The following GRHL3 variants were observed in gnomAD, a reference collection of about 807,000 sequenced individuals.
GRHL3 encodes the protein grainyhead-like protein 3 homolog.
GRHL3 carries 20 observed loss-of-function variants against 70.3 expected under a neutral mutation model. The observed-to-expected ratio is 0.28, with a 90% CI of 0.20 to 0.41. GRHL3 has a LOEUF of 0.41. Among genes scored for constraint, GRHL3 ranks in the 10% least tolerant of loss-of-function variants. The pLI is 1.00. For missense variants in GRHL3, 637 were observed against 762.3 expected, an observed-to-expected ratio of 0.84 and a Z score of 1.94; for synonymous variants, 299 against 299.9, an observed-to-expected ratio of 1.00 and a Z score of 0.03.
chr1:24,352,650 A>G (rs1356478399), intron 15 of GRHL3, among the ~76,000 whole-genome samples: 1 of 152,144 alleles, frequency 6.6e-6, no homozygotes, highest in Admixed American at 6.5e-5. Flanking sequence ...GCTGGTACAT[A>G]TCAGTTACTT....
chr1:24,337,961 C>G, intron 6 of GRHL3, 31 bp from the exon 7 acceptor site: 1 of 1,562,948 alleles, frequency 6.4e-7, no homozygotes, highest in Non-Finnish European at 8.7e-7. Context: ...AGGAAGAGGC[C>G]GGGAGTGACT....
Position 24,331,446 on chromosome 1 carries a change from T to C in GRHL3, c.38T>C (p.Leu13Pro). The change falls in exon 2 of 16, where the codon CTA becomes CCA. Residue 13 changes from leucine to proline, a missense_variant. Leu to Pro is a moderately conservative substitution (Grantham distance 98). Coordinates refer to ENST00000361548, the MANE Select transcript of GRHL3 (RefSeq NM_198173.3). ...TTCAGTTTCAGGTCTGTGCGGCTGC[T>C]AAAGAACGACCCAGTCAACTTGCAG... is the stretch of plus-strand genomic sequence containing the variant. ...NELDFRSVRLLKNDPVNLQKF... is the reference protein window; with the variant it reads ...NELDFRSVRLPKNDPVNLQKF... 6.2e-7 allele frequency: 1 copy of C among 1,613,096 alleles called. No individual in the cohort carries two copies. Among genetic ancestry groups the C allele is most frequent in the Non-Finnish European group, 8.5e-7 (1 of 1,179,504 alleles).
rs1641071440 is a variant in GRHL3, at chr1:24,360,948, G to T, written c.1695-3237G>T. The T allele has an allele frequency of 1.9e-6, 3 of 1,614,012 alleles. No individual in the cohort carries two copies. The Admixed American group carries it at 5.0e-5, about 27-fold the overall frequency. On this transcript the variant is annotated intron_variant, in intron 15 of 15. Transcript: ENST00000350501. ...AGATGAAATGCTTGCGGGGGCCTAAGTAGTCCACGATCTCATACTGACCAG... is the reference window on the plus strand; with the variant it reads ...AGATGAAATGCTTGCGGGGGCCTAATTAGTCCACGATCTCATACTGACCAG...
chr1:24,360,319 T>C (rs1466186751), intron 15 of GRHL3, among the ~76,000 whole-genome samples: 2 of 152,128 alleles, frequency 1.3e-5, no homozygotes, highest in East Asian at 1.9e-4. Flanking sequence ...TGTGGTGGCA[T>C]GTACCTGTAA....
At chr1:24,348,901 A>T (rs1640395701) in intron 14 of GRHL3, among the ~76,000 whole-genome samples, 1 of 152,162 alleles carries the variant, frequency 6.6e-6, no homozygotes. Flanking sequence ...TCCACCTGAA[A>T]CCCAGGACCT....
At chr1:24,332,943 G>A (rs1056091474) in intron 2 of GRHL3, among the ~76,000 whole-genome samples, 4 of 152,172 alleles carry the variant, frequency 2.6e-5, no homozygotes, top group East Asian at 1.9e-4. Context: ...AGCCCAGGTC[G>A]ATGGAAGAGG....
intron 7 of GRHL3, among the ~76,000 whole-genome samples, chr1:24,339,438 C>T (rs1200020016): frequency 6.6e-6 from 1 of 152,164 alleles, no homozygotes; most frequent in Admixed American, 6.5e-5. Context: ...TGCCACCATG[C>T]CCAGCTAATT....
At position 24,342,231 on chromosome 1, in the gene GRHL3, G is replaced by C; in HGVS notation, c.1164G>C (p.Leu388=). Residue 388 remains leucine, a synonymous_variant, in exon 9 of 16, where the codon CTG becomes CTC. Transcript: ENST00000361548. This position sits in a 1 kb window ranked among gnomAD's most constrained non-coding sequence, Gnocchi z 4.8. ...TYDCGLGTER[L]VHRAVCQIKI... ...ACTGTGGCTTGGGCACTGAGCGCCT[G>C]GTACACCGTGCTGTCTGCCAGATCA... 1.2e-6 allele frequency: 2 copies of C among 1,612,928 alleles called. No homozygotes were observed. Among genetic ancestry groups the C allele is most frequent in the Non-Finnish European group, 1.7e-6 (2 of 1,179,370 alleles).
At chr1:24,352,542 T>TGCAGGTGGGA (rs1399543953) in intron 15 of GRHL3, among the ~76,000 whole-genome samples, 1 of 152,164 alleles carries the variant, frequency 6.6e-6, no homozygotes, top group Admixed American at 6.5e-5. Context: ...AGCCCTCTTG[T>TGCAGGTGGGA]GCAGGTGTGA....
rs1263624259 is a variant in GRHL3 at position 24,355,106 on chromosome 1, TTTC to T, written c.*621_*623del. On this transcript the variant is annotated 3_prime_UTR_variant, in exon 16 of 16. Transcript: ENST00000361548. ...GCCTTGCCACTCACTGTTGTATACA[TTTC>T]TTATTTACGATTTTCATTTGTTATA... 1.3e-5 allele frequency: 2 copies of T among 152,552 alleles called. No individual in the cohort carries two copies. 9.4% of individuals were successfully genotyped at this position (152,552 alleles called of 1,614,324 possible).
chr1:24,337,470 A>G, intron 5 of GRHL3, 166 bp from the exon 6 acceptor site: 4 of 694,930 alleles, frequency 5.8e-6, no homozygotes, highest in Non-Finnish European at 9.5e-6. Context: ...CAAAGCCATT[A>G]AATAGAACCC....
At chr1:24,336,987 C>G (rs1639843380) in intron 4 of GRHL3, 91 bp from the exon 5 acceptor site, 6 of 1,335,794 alleles carry the variant, frequency 4.5e-6, no homozygotes, top group Admixed American at 1.8e-5. Context: ...GTACACTGTA[C>G]AACCTGCATA....
chr1:24,338,152 C>A, intron 7 of GRHL3, 49 bp downstream of exon 7: 1 of 1,263,858 alleles, frequency 7.9e-7, no homozygotes, highest in East Asian at 2.3e-5. Flanking sequence ...CTCTCCCCAC[C>A]CCCGCATCAA....
In GRHL3 at chr1:24,319,584, T is replaced by C; in HGVS notation, c.17+16T>C. ...ATGAACTTGAGTGAGTAAACATCGG[T>C]GGATACCTGCCGCTCTCAGAGCGTG... is the stretch of plus-strand genomic sequence containing the variant. On this transcript the variant is annotated intron_variant, in intron 1 of 15. Coordinates refer to ENST00000361548, the MANE Select transcript of GRHL3 (RefSeq NM_198173.3). The C allele has an allele frequency of 6.2e-7, 1 of 1,613,808 alleles. No homozygotes were observed. Among genetic ancestry groups the C allele is most frequent in the Non-Finnish European group, 8.5e-7 (1 of 1,179,876 alleles).
rs1476656339 is a variant in GRHL3 at position 24,322,393 on chromosome 1, T to C, written c.17+2825T>C. Among the ~76,000 whole-genome samples, 1 of 152,178 alleles carries C rather than the reference T, an allele frequency of 6.6e-6. No homozygotes were observed. Among genetic ancestry groups the C allele is most frequent in the Non-Finnish European group, 1.5e-5 (1 of 68,026 alleles). On this transcript the variant is annotated intron_variant, in intron 1 of 15. Transcript: ENST00000361548. The surrounding 1 kb of genome is among the most constrained non-coding windows in gnomAD (Gnocchi z 4.4). ...AGACTGCCTGGAGCGCTGAAAGAGT[T>C]AATCAGGAACGCCTCCCCGCTGTGG...
intron 12 of GRHL3, among the ~76,000 whole-genome samples, chr1:24,345,667 A>C (rs1640251738): frequency 1.3e-5 from 2 of 152,244 alleles, no homozygotes; most frequent in African/African-American, 4.8e-5. Flanking sequence ...TGGGGGGCCT[A>C]GCTGGGGCCG....
Position 24,336,591 on chromosome 1 carries a change from T to A in GRHL3, c.376T>A (p.Leu126Met). ...GTCTGGAACCCCAGAGTACCCAGATTTGCTCAAGAAGAATAACCTGATGAG... is the reference window on the plus strand; with the variant it reads ...GTCTGGAACCCCAGAGTACCCAGATATGCTCAAGAAGAATAACCTGATGAG... ...NVSGTPEYPD[L>M]LKKNNLMSLE... The change falls in exon 4 of 16, where the codon TTG becomes ATG. Residue 126 changes from leucine (L) to methionine (M), a missense_variant. Leu to Met is a conservative substitution (Grantham distance 15, BLOSUM62 2). Transcript: ENST00000361548. 6.2e-7 allele frequency: 1 copy of A among 1,614,074 alleles called. No individual in the cohort carries two copies. Among genetic ancestry groups the A allele is most frequent in the Non-Finnish European group, 8.5e-7 (1 of 1,179,960 alleles).
At chr1:24,362,014 C>G (rs1641152896) in intron 15 of GRHL3, among the ~76,000 whole-genome samples, 1 of 152,216 alleles carries the variant, frequency 6.6e-6, no homozygotes, top group Non-Finnish European at 1.5e-5. Context: ...CCTTCTGGCT[C>G]ACACCCAAGG....
intron 13 of GRHL3, 25 bp from the exon 14 acceptor site, chr1:24,347,443 A>G: frequency 6.3e-7 from 1 of 1,591,094 alleles, no homozygotes; most frequent in South Asian, 1.1e-5. Flanking sequence ...TCTTCCTTGC[A>G]CTCAAGCTGG....
Sources: allele counts gnomAD v4.1 joint callset (sites outside exome capture counted in the v4.1 genomes callset), GRCh38; gene constraint gnomAD v4.1.1; non-coding constraint Gnocchi (gnomAD v3.1); transcripts MANE v1.5; gene names NCBI Gene and HGNC (gene_info 2026-07-23, HGNC 2026-07-21).